Variants in ZC3H3 observed in about 807,000 individuals in gnomAD.
The protein encoded by ZC3H3 is zinc finger CCCH domain-containing protein 3.
In ZC3H3, 36 loss-of-function variants were observed where a neutral mutation model predicts 77.3. That is an observed-to-expected ratio of 0.47 (90% confidence interval 0.36 to 0.61). The LOEUF (loss-of-function observed/expected upper bound fraction) is 0.61, where lower values mean the gene tolerates loss of function less well. Among genes scored for constraint, ZC3H3 ranks in the 20% least tolerant of loss-of-function variants. The probability of loss-of-function intolerance (pLI) is 0.00; values close to 1 mark genes in which losing one functional copy is unlikely to be tolerated. For missense variants in ZC3H3, 1,331 were observed against 1,312.2 expected (o/e 1.01, Z -0.22); for synonymous variants, 626 against 555.2 (o/e 1.13, Z -1.79).
chr8:143,488,843 C>T (rs1821119017), intron 4 of ZC3H3, among the ~76,000 whole-genome samples: 1 of 152,232 alleles, frequency 6.6e-6, no homozygotes, highest in African/African-American at 2.4e-5. Context: ...TTCCATGAAT[C>T]CATAAGAAAC....
At chr8:143,537,936 T>C (rs1297642165) in intron 2 of ZC3H3, 67 bp downstream of exon 2, 3 of 1,430,224 alleles carry the variant, frequency 2.1e-6, no homozygotes, top group Non-Finnish European at 2.8e-6. Flanking sequence ...AGCAGATCCA[T>C]TAGGGGTGCC....
intron 4 of ZC3H3, among the ~76,000 whole-genome samples, chr8:143,483,633 G>A (rs1317600778): frequency 6.6e-6 from 1 of 152,208 alleles, no homozygotes; most frequent in Non-Finnish European, 1.5e-5. Flanking sequence ...CTCAGGGGCA[G>A]GGCTAAATGC....
chr8:143,503,980 G>A (rs1821611204), intron 4 of ZC3H3, among the ~76,000 whole-genome samples: 1 of 151,946 alleles, frequency 6.6e-6, no homozygotes, highest in Non-Finnish European at 1.5e-5. Context: ...ACTTAAATTA[G>A]GAGGGGGAGA....
chr8:143,515,047 G>A (rs34668844), intron 3 of ZC3H3, among the ~76,000 whole-genome samples: 1 of 152,172 alleles, frequency 6.6e-6, no homozygotes, highest in African/African-American at 2.4e-5. Flanking sequence ...CTCAGGGAGC[G>A]TGCCATGCCT....
At chr8:143,476,512 C>A (rs951755758) in intron 4 of ZC3H3, among the ~76,000 whole-genome samples, 2 of 152,204 alleles carry the variant, frequency 1.3e-5, no homozygotes, top group African/African-American at 4.8e-5. Flanking sequence ...GAGGCACCTC[C>A]CTGCAGCTGC....
intron 4 of ZC3H3, among the ~76,000 whole-genome samples, chr8:143,499,340 G>A (rs527341246): frequency 6.6e-6 from 1 of 152,192 alleles, no homozygotes; most frequent in African/African-American, 2.4e-5. Flanking sequence ...TGGGAGCCGG[G>A]AAGGCAGTGG....
rs1460179541 is a variant in ZC3H3 at position 143,533,258 on chromosome 8, T to G, written c.1561+2999A>C. Among the ~76,000 whole-genome samples the G allele has an allele frequency of 1.3e-5, 2 of 152,168 alleles. No homozygotes were observed. Among genetic ancestry groups the G allele is most frequent in the Non-Finnish European group, 2.9e-5 (2 of 68,036 alleles). On this transcript the variant is annotated intron_variant, in intron 3 of 11. Coordinates refer to ENST00000262577, the MANE Select transcript of ZC3H3 (RefSeq NM_015117.3). This position sits in a 1 kb window ranked among gnomAD's most constrained non-coding sequence, Gnocchi z 4.0. ...ATGGTGAACTGGCCCCACAGCCTCCTTGTGCTCCAGAACACAGTAAGCTCG... is the reference window on the plus strand; with the variant it reads ...ATGGTGAACTGGCCCCACAGCCTCCGTGTGCTCCAGAACACAGTAAGCTCG...
intron 4 of ZC3H3, among the ~76,000 whole-genome samples, chr8:143,496,744 G>A (rs541583836): frequency 3.0e-4 from 45 of 151,962 alleles, no homozygotes; most frequent in Non-Finnish European, 5.4e-4. Flanking sequence ...AACCTGCTCC[G>A]CAGAGAAACT....
chr8:143,438,199 C>G (rs1819634761), intron 11 of ZC3H3, 112 bp from the exon 12 acceptor site: 1 of 1,367,446 alleles, frequency 7.3e-7, no homozygotes, highest in Non-Finnish European at 1.0e-6. Context: ...CCCAAGCACA[C>G]ACAGCAAGGT....
intron 3 of ZC3H3, among the ~76,000 whole-genome samples, chr8:143,517,150 A>G (rs72691462): frequency 0.017 from 2,547 of 152,310 alleles, 35 homozygotes; most frequent in Non-Finnish European, 0.024. Context: ...GTTCCCGTTA[A>G]TTATTGTGCG....
chr8:143,518,492 G>C (rs528615244), intron 3 of ZC3H3, among the ~76,000 whole-genome samples: 1 of 152,244 alleles, frequency 6.6e-6, no homozygotes, highest in Non-Finnish European at 1.5e-5. Context: ...TGAGAGAAAC[G>C]ACGTGTCCCG....
Position 143,538,684 on chromosome 8 carries a change from G to C in ZC3H3, c.683C>G (p.Ala228Gly). The C allele has an allele frequency of 1.9e-6, 3 of 1,608,108 alleles. No individual in the cohort carries two copies. Among genetic ancestry groups the C allele is most frequent in the Non-Finnish European group, 2.5e-6 (3 of 1,179,854 alleles). Residue 228 changes from alanine (A) to glycine (G), a missense_variant, in exon 2 of 12, where the codon GCG becomes GGG. This residue lies in a region of ZC3H3 where 978 missense variants were observed against 915.5 expected (regional missense o/e 1.07). Transcript: ENST00000262577. The part of the protein sequence containing the change: ...TVSESVIAVK[A>G]SFPSSALPPR... ...GGGCAGAGCGGAGGATGGGAAGCTC[G>C]CCTTGACGGCAATCACACTCTCACT...
chr8:143,473,251 C>A (rs978262019), intron 5 of ZC3H3, among the ~76,000 whole-genome samples: 1 of 152,116 alleles, frequency 6.6e-6, no homozygotes, highest in Admixed American at 6.5e-5. Flanking sequence ...ATGCCTCACG[C>A]CCCCTCCCAC....
intron 3 of ZC3H3, among the ~76,000 whole-genome samples, chr8:143,534,945 C>T (rs924511958): frequency 5.9e-5 from 9 of 152,142 alleles, no homozygotes; most frequent in Admixed American, 3.9e-4. Flanking sequence ...GACCCAACGC[C>T]CTGCCCTCCC....
intron 4 of ZC3H3, among the ~76,000 whole-genome samples, chr8:143,488,699 A>G (rs1164355088): frequency 6.6e-6 from 1 of 152,262 alleles, no homozygotes. Context: ...GGCTGTTCTC[A>G]GCACATCAAT....
At position 143,539,139 on chromosome 8, in the gene ZC3H3, G is replaced by C; in HGVS notation, c.228C>G (p.Leu76=). The change falls in exon 2 of 12, where the codon CTC becomes CTG. Residue 76 remains leucine, a synonymous_variant. Transcript: ENST00000262577. ...HGPSWRKKYS[L]VNRPPGPSDP... ...CTGAGGGTCCCGGGGGCCGATTCAC[G>C]AGGGAGTATTTCTTGCGCCACGAAG... The C allele has an allele frequency of 6.2e-7, 1 of 1,613,020 alleles. No homozygotes were observed. The highest frequency in any genetic ancestry group is 8.5e-7 in the Non-Finnish European group (1 of 1,180,028).
chr8:143,457,851 T>TGA (rs1288946541), intron 9 of ZC3H3, among the ~76,000 whole-genome samples: 1 of 151,704 alleles, frequency 6.6e-6, no homozygotes, highest in Non-Finnish European at 1.5e-5. Context: ...TGGGTGAGAG[T>TGA]GAGACCCTAT....
intron 8 of ZC3H3, among the ~76,000 whole-genome samples, chr8:143,467,254 G>A (rs536988901): frequency 3.3e-5 from 5 of 152,258 alleles, no homozygotes; most frequent in East Asian, 3.9e-4. Flanking sequence ...CTGTCAGAGC[G>A]GGGCTGTTAT....
intron 4 of ZC3H3, among the ~76,000 whole-genome samples, chr8:143,506,665 A>G (rs1346357626): frequency 6.6e-6 from 1 of 152,248 alleles, no homozygotes; most frequent in Non-Finnish European, 1.5e-5. Flanking sequence ...AATATACTCC[A>G]GCTATTGCCT....
Sources: allele counts gnomAD v4.1 joint callset (sites outside exome capture counted in the v4.1 genomes callset), GRCh38; gene constraint gnomAD v4.1.1; regional missense constraint gnomAD v4.1.1; non-coding constraint Gnocchi (gnomAD v3.1); transcripts MANE v1.5; gene names NCBI Gene and HGNC (gene_info 2026-07-23, HGNC 2026-07-21).